The following EXOC6 variants were observed in gnomAD, a reference collection of about 807,000 sequenced individuals.
The protein encoded by EXOC6 is exocyst complex component 6.
A neutral mutation model predicts 112.5 loss-of-function variants in EXOC6; 60 were observed. The ratio of observed to expected loss-of-function variants is 0.53; its 90% confidence interval spans 0.43 to 0.66. EXOC6 has a LOEUF of 0.66. Ranked by LOEUF, EXOC6 falls within the 30% of genes least tolerant of loss-of-function variation. The probability of loss-of-function intolerance (pLI) is 0.00; values close to 1 mark genes in which losing one functional copy is unlikely to be tolerated. For missense variants in EXOC6, 855 were observed against 957.1 expected (o/e 0.89, Z 1.41); for synonymous variants, 295 against 308.0 (o/e 0.96, Z 0.44).
chr10:92,857,023 A>G (rs1847634538), intron 1 of EXOC6, among the ~76,000 whole-genome samples: 1 of 152,178 alleles, frequency 6.6e-6, no homozygotes, highest in African/African-American at 2.4e-5. Flanking sequence ...TATCTCTTGT[A>G]GATAGCACAT....
chr10:92,894,461 A>T (rs1849655337), intron 2 of EXOC6, among the ~76,000 whole-genome samples: 1 of 152,182 alleles, frequency 6.6e-6, no homozygotes, highest in Non-Finnish European at 1.5e-5. Flanking sequence ...TGGCACATAG[A>T]CCTCATTGAA....
chr10:92,944,672 A>G lies in EXOC6; in HGVS notation c.1311-3602A>G, dbSNP rs555611987. Among the ~76,000 whole-genome samples the G allele has an allele frequency of 3.9e-5, 6 of 152,204 alleles. No individual in the cohort carries two copies. In the East Asian group the frequency reaches 1.2e-3, roughly 29 times the overall value. On this transcript the variant is annotated intron_variant, in intron 13 of 21. Transcript: ENST00000260762. ...GATATATTAATTTACATTGCCACCA[A>G]CAGCGTGCAAAGGTTCCCTTTCTCC...
In EXOC6 at chr10:92,853,176, C is replaced by CT. The variant is rs571573284; in HGVS notation, c.101+4543dup. Among the ~76,000 whole-genome samples, 524 of 152,206 alleles carry CT rather than the reference C, an allele frequency of 3.4e-3. 1 individual carries two copies. The highest frequency in any genetic ancestry group is 0.012 in the African/African-American group (506 of 41,534). ...ATGAAATACTCAGGGATAAATCTGA[C>CT]TAAAGATGTGGAAGACTTGTATGTG... is the stretch of plus-strand genomic sequence containing the variant. On this transcript the variant is annotated intron_variant, in intron 1 of 21. Coordinates refer to ENST00000260762, the MANE Select transcript of EXOC6 (RefSeq NM_019053.6).
chr10:92,980,313 A>AT (rs1721118782), intron 18 of EXOC6, among the ~76,000 whole-genome samples: 1 of 152,126 alleles, frequency 6.6e-6, no homozygotes, highest in South Asian at 2.1e-4. Flanking sequence ...AGCATAATCC[A>AT]TTTTTCCCAT....
intron 7 of EXOC6, among the ~76,000 whole-genome samples, chr10:92,919,493 T>C (rs962300885): frequency 2.0e-5 from 3 of 152,178 alleles, no homozygotes; most frequent in African/African-American, 7.2e-5. Context: ...GATGGTGTTA[T>C]AGTTTTAAGT....
intron 19 of EXOC6, among the ~76,000 whole-genome samples, chr10:93,013,327 C>T (rs779538576): frequency 1.1e-4 from 17 of 151,698 alleles, no homozygotes; most frequent in African/African-American, 2.9e-4. Flanking sequence ...AATCACTGGC[C>T]GAGCGTGGTG....
chr10:92,833,106 T>C (rs192750620), upstream of EXOC6, among the ~76,000 whole-genome samples: 2 of 152,306 alleles, frequency 1.3e-5, no homozygotes, highest in East Asian at 1.9e-4. Flanking sequence ...TTGGGGGCTA[T>C]TGGTGGGGTT....
chr10:92,879,004 A>T (rs555440898), intron 1 of EXOC6, among the ~76,000 whole-genome samples: 1 of 152,340 alleles, frequency 6.6e-6, no homozygotes, highest in African/African-American at 2.4e-5. Context: ...ATATATTTGC[A>T]GATGGCTTTC....
chr10:92,909,643 A>C lies in EXOC6; in HGVS notation c.663+12A>C, dbSNP rs764122353. 6.6e-7 allele frequency: 1 copy of C among 1,524,152 alleles called. No individual in the cohort carries two copies. The highest frequency in any genetic ancestry group is 1.8e-5 in the Admixed American group (1 of 56,286). 94.4% of individuals were successfully genotyped at this position (1,524,152 alleles called of 1,614,324 possible). On this transcript the variant is annotated intron_variant, in intron 6 of 21. Transcript: ENST00000260762. ...CAGCAATGAAACAGGTGAGATTAAAAATAATTTTGATTTAATATTATTTAG... is the reference window on the plus strand; with the variant it reads ...CAGCAATGAAACAGGTGAGATTAAACATAATTTTGATTTAATATTATTTAG...
chr10:92,871,593 GT>G (rs1848450874), intron 1 of EXOC6, among the ~76,000 whole-genome samples: 1 of 151,654 alleles, frequency 6.6e-6, no homozygotes, highest in African/African-American at 2.4e-5. Context: ...GATCACTTGA[GT>G]CTAGGAGATC....
intron 20 of EXOC6, among the ~76,000 whole-genome samples, chr10:93,025,196 G>T (rs940478477): frequency 1.3e-5 from 2 of 152,146 alleles, no homozygotes; most frequent in Non-Finnish European, 2.9e-5. Context: ...ATGCGAAAAA[G>T]ATCTGGTAGT....
At chr10:92,923,925 A>G (rs548685463) in intron 8 of EXOC6, among the ~76,000 whole-genome samples, 9 of 152,274 alleles carry the variant, frequency 5.9e-5, no homozygotes, top group Admixed American at 4.6e-4. Context: ...CAGGGTGCCA[A>G]ATAAAGGAGA....
intron 17 of EXOC6, among the ~76,000 whole-genome samples, chr10:92,969,289 A>G (rs945248003): frequency 6.6e-6 from 1 of 152,080 alleles, no homozygotes; most frequent in Non-Finnish European, 1.5e-5. Flanking sequence ...TGGAAAGGCT[A>G]CCCATCCCCG....
At chr10:93,017,995 A>G (rs1844616491) in intron 20 of EXOC6, among the ~76,000 whole-genome samples, 1 of 150,488 alleles carries the variant, frequency 6.6e-6, no homozygotes, top group African/African-American at 2.4e-5. Flanking sequence ...GGGCAACAAG[A>G]GTGAAACTCT....
Position 92,975,484 on chromosome 10 carries a change from C to T in EXOC6, c.1953+1252C>T, listed in dbSNP as rs1439369117. Reference sequence around the variant, plus strand: ...CGTCCGGGAGGGAGGTGGGGGGGGTCAGCCCCCCGCCCACCCAGCCGCCCC... The same window carrying T: ...CGTCCGGGAGGGAGGTGGGGGGGGTTAGCCCCCCGCCCACCCAGCCGCCCC... On this transcript the variant is annotated intron_variant, in intron 18 of 21. Transcript: ENST00000260762. Among the ~76,000 whole-genome samples the T allele has an allele frequency of 2.7e-3, 392 of 143,912 alleles. 1 individual carries two copies. The highest frequency in any genetic ancestry group is 5.0e-3 in the Non-Finnish European group (328 of 65,914). 94.4% of individuals were successfully genotyped at this position (143,912 alleles called of 152,430 possible).
At chr10:92,982,789 G>C (rs1296559130) in intron 18 of EXOC6, among the ~76,000 whole-genome samples, 4 of 151,680 alleles carry the variant, frequency 2.6e-5, no homozygotes, top group Admixed American at 1.3e-4. Flanking sequence ...TTTTTTCCTT[G>C]GTTTAATTGT....
chr10:92,877,112 T>G (rs1009161217), intron 1 of EXOC6, among the ~76,000 whole-genome samples: 21 of 152,184 alleles, frequency 1.4e-4, no homozygotes, highest in Admixed American at 6.5e-5. Flanking sequence ...GTGTATGTAT[T>G]GATGTTTTGG....
intron 13 of EXOC6, among the ~76,000 whole-genome samples, chr10:92,943,339 C>A (rs142352074): frequency 6.6e-6 from 1 of 152,142 alleles, no homozygotes; most frequent in East Asian, 1.9e-4. Context: ...TAAGAAGTAG[C>A]ACAACTTAAG....
chr10:92,910,819 C>G (rs1429596947), intron 6 of EXOC6, among the ~76,000 whole-genome samples: 1 of 152,084 alleles, frequency 6.6e-6, no homozygotes, highest in Non-Finnish European at 1.5e-5. Flanking sequence ...GTCCCAGCTA[C>G]TCAGAAGGCT....
Sources: allele counts gnomAD v4.1 joint callset (sites outside exome capture counted in the v4.1 genomes callset), GRCh38; gene constraint gnomAD v4.1.1; transcripts MANE v1.5; gene names NCBI Gene and HGNC (gene_info 2026-07-23, HGNC 2026-07-21).